The following RNF128 variants were observed in gnomAD, a reference collection of about 807,000 sequenced individuals.
RNF128 encodes the protein ring finger protein 128.
Under a neutral mutation model 26.2 loss-of-function variants are expected in RNF128, and 13 were observed. The observed-to-expected ratio is 0.50, with a 90% CI of 0.32 to 0.79. The LOEUF (loss-of-function observed/expected upper bound fraction) is 0.79, where lower values mean the gene tolerates loss of function less well. RNF128 is among the 30% of genes least tolerant of loss of function. The probability of loss-of-function intolerance (pLI) is 0.03; values close to 1 mark genes in which losing one functional copy is unlikely to be tolerated. For missense variants in RNF128, 315 were observed against 349.7 expected, an observed-to-expected ratio of 0.90 and a Z score of 0.79; for synonymous variants, 149 against 142.5, an observed-to-expected ratio of 1.05 and a Z score of -0.32.
At chrX:106,704,326 G>A (rs756219332) in intron 1 of RNF128, among the ~76,000 whole-genome samples, 19 of 108,845 alleles carry the variant, frequency 1.7e-4, no homozygotes, top group Non-Finnish European at 3.2e-4. Context: ...CCAGCTACTC[G>A]GGAGGCTGAG....
chrX:106,779,719 A>G (rs763409082), intron 2 of RNF128, among the ~76,000 whole-genome samples: 21 of 111,247 alleles, frequency 1.9e-4, no homozygotes, highest in Non-Finnish European at 3.2e-4. Flanking sequence ...TATGTTCTTC[A>G]TGAGAGTGGT....
At chrX:106,704,157 C>T (rs1180213002) in intron 1 of RNF128, among the ~76,000 whole-genome samples, 4 of 110,199 alleles carry the variant, frequency 3.6e-5, no homozygotes, top group Middle Eastern at 4.8e-3. Flanking sequence ...GGGAGTAGGC[C>T]GGGCGCGGTG....
chrX:106,708,342 C>A (rs1929075742), intron 1 of RNF128, among the ~76,000 whole-genome samples: 2 of 112,085 alleles, frequency 1.8e-5, no homozygotes, highest in Admixed American at 1.9e-4. Flanking sequence ...GTGCTTACAC[C>A]CACACAGGGT....
At chrX:106,730,171 C>T (rs1363827770) in intron 1 of RNF128, among the ~76,000 whole-genome samples, 1 of 112,090 alleles carries the variant, frequency 8.9e-6, no homozygotes, top group Non-Finnish European at 1.9e-5. Flanking sequence ...AGAAACTCCA[C>T]TATATAAGAG....
At position 106,707,671 on chromosome X, in the gene RNF128, G is replaced by C. The variant is rs1025144816; in HGVS notation, c.406+13263G>C. Among the ~76,000 whole-genome samples, 3 of 110,381 alleles carry C rather than the reference G, an allele frequency of 2.7e-5. No homozygotes were observed. The Admixed American group carries it at 2.9e-4, about 11-fold the overall frequency. ...ATGTGCGGTTTTTTGTGTCTCAGGA[G>C]TCCCCCTCCCCAACAATATTCTCCT... is the stretch of plus-strand genomic sequence containing the variant. On this transcript the variant is annotated intron_variant, in intron 1 of 6. Transcript: ENST00000324342.
intron 1 of RNF128, among the ~76,000 whole-genome samples, chrX:106,711,556 A>G (rs1001995082): frequency 2.7e-5 from 3 of 112,160 alleles, no homozygotes; most frequent in Non-Finnish European, 5.6e-5. Flanking sequence ...TCAACCCACT[A>G]TACAACAGAT....
intron 2 of RNF128, among the ~76,000 whole-genome samples, chrX:106,780,234 T>C (rs1014790933): frequency 1.8e-5 from 2 of 111,773 alleles, no homozygotes; most frequent in Non-Finnish European, 3.8e-5. Context: ...TTTACCTAAT[T>C]GGATATAAAG....
chrX:106,743,652 T>C (rs1296818207), intron 1 of RNF128, among the ~76,000 whole-genome samples: 1 of 112,429 alleles, frequency 8.9e-6, no homozygotes. Context: ...ATATCTACAG[T>C]TATCTGAAAA....
intron 4 of RNF128, 127 bp from the exon 5 acceptor site, chrX:106,790,059 T>C: frequency 2.6e-6 from 1 of 380,841 alleles, no homozygotes; most frequent in Non-Finnish European, 4.6e-6. Context: ...ATTTTATGAA[T>C]AGTGTGTTTA....
chrX:106,738,118 TGG>T (rs1223859792), intron 1 of RNF128, among the ~76,000 whole-genome samples: 4 of 111,886 alleles, frequency 3.6e-5, no homozygotes, highest in Non-Finnish European at 5.6e-5. Context: ...CATTTGAAAT[TGG>T]GGGACAGCAT....
intron 1 of RNF128, among the ~76,000 whole-genome samples, chrX:106,703,602 C>T (rs1928994501): frequency 9.0e-6 from 1 of 111,477 alleles, no homozygotes; most frequent in South Asian, 3.9e-4. Flanking sequence ...ACAAAAATAT[C>T]ATCATTGCCC....
At chrX:106,726,264 C>T (rs1402853900), upstream of RNF128, among the ~76,000 whole-genome samples, 1 of 110,541 alleles carries the variant, frequency 9.0e-6, no homozygotes, top group African/African-American at 3.3e-5. Flanking sequence ...CCTGCCCTTC[C>T]CCCCTCTAGA....
rs192641569 is a variant in RNF128, at chrX:106,703,469, G to C, written c.406+9061G>C. Among the ~76,000 whole-genome samples, 262 of 111,168 alleles carry C rather than the reference G, an allele frequency of 2.4e-3. 3 individuals carry two copies. The highest frequency in any genetic ancestry group is 8.3e-3 in the African/African-American group (254 of 30,608). Reference sequence around the variant, plus strand: ...TAAATTCGCCATGGTCATACAGCTAGTACGTTTCAAAGCTGAGATTTGAAA... The same window carrying C: ...TAAATTCGCCATGGTCATACAGCTACTACGTTTCAAAGCTGAGATTTGAAA... On this transcript the variant is annotated intron_variant, in intron 1 of 6. Transcript: ENST00000324342.
chrX:106,717,158 G>A (rs1263750448), intron 1 of RNF128, among the ~76,000 whole-genome samples: 1 of 108,021 alleles, frequency 9.3e-6, no homozygotes, highest in Non-Finnish European at 1.9e-5. Context: ...AGCCGAGATC[G>A]CCTCACTGCA....
intron 1 of RNF128, among the ~76,000 whole-genome samples, chrX:106,702,824 A>G (rs188703707): frequency 1.8e-5 from 2 of 111,874 alleles, no homozygotes; most frequent in Admixed American, 9.5e-5. Context: ...AGTGAATTCC[A>G]GGAGATGATG....
chrX:106,766,014 T>C (rs1169463947), intron 1 of RNF128, among the ~76,000 whole-genome samples: 5 of 110,679 alleles, frequency 4.5e-5, no homozygotes, highest in South Asian at 3.9e-4. Flanking sequence ...TGATGGTTTC[T>C]AGCTTCATCC....
intron 1 of RNF128, among the ~76,000 whole-genome samples, chrX:106,702,845 T>C (rs1569434381): frequency 1.8e-5 from 2 of 111,546 alleles, no homozygotes; most frequent in Non-Finnish European, 3.8e-5. Context: ...TTTCAGAGTG[T>C]CCCTCATCAC....
chrX:106,756,168 A>G (rs1040388385), intron 1 of RNF128, among the ~76,000 whole-genome samples: 25 of 111,656 alleles, frequency 2.2e-4, no homozygotes, highest in African/African-American at 8.1e-4. Context: ...TGCCCAAGGT[A>G]ATTTACAGAT....
chrX:106,777,202 T>C (rs771107830), intron 2 of RNF128, among the ~76,000 whole-genome samples: 30 of 111,811 alleles, frequency 2.7e-4, no homozygotes, highest in Admixed American at 9.5e-5. Context: ...TAAAAACTCC[T>C]CACAGTGTGA....
Sources: gnomAD v4.1 joint callset for allele counts (sites outside exome capture counted in the v4.1 genomes callset) on GRCh38, gnomAD v4.1.1 for gene constraint, MANE v1.5 for transcripts, NCBI Gene and HGNC (gene_info 2026-07-23, HGNC 2026-07-21) for gene names.